Variants in DLL3 observed in about 807,000 individuals in gnomAD.
DLL3 encodes the protein delta-like protein 3.
In DLL3, 49 loss-of-function variants were observed where a neutral mutation model predicts 55.0. The observed-to-expected ratio is 0.89, with a 90% CI of 0.71 to 1.13. The LOEUF is 1.13. Among genes scored for constraint, DLL3 ranks in the 50% most tolerant of loss-of-function variants. DLL3 has a pLI of 0.00. For synonymous variants in DLL3, 421 were observed against 385.2 expected (o/e 1.09, Z -1.09); for missense variants, 962 against 875.5 (o/e 1.10, Z -1.25).
At chr19:39,503,921 C>T in intron 4 of DLL3, 150 bp from the exon 5 acceptor site, 1 of 790,868 alleles carries the variant, frequency 1.3e-6, no homozygotes. Flanking sequence ...GGGGCGGTCA[C>T]AGTACCATCT....
intron 6 of DLL3, among the ~76,000 whole-genome samples, chr19:39,505,815 G>T (rs996184893): frequency 6.6e-6 from 1 of 152,092 alleles, no homozygotes; most frequent in Non-Finnish European, 1.5e-5. Context: ...ACATCTTGTG[G>T]GACCCCCTGG....
chr19:39,502,600 C>T lies in DLL3; in HGVS notation c.410-215C>T, dbSNP rs75794888. 0.056 allele frequency among the ~76,000 whole-genome samples: 8,527 copies of T among 152,168 alleles called. 784 individuals are homozygous for T. The highest frequency in any genetic ancestry group is 0.19 in the African/African-American group (8,016 of 41,464). ...TTACCTAGAGTACTAGAAAGGACCA[C>T]GACATTGCAGGTCCCAGGGTGCATT... On this transcript the variant is annotated intron_variant, in intron 3 of 8. Transcript: ENST00000356433.
At chr19:39,504,694 T>C (rs2079630459) in intron 5 of DLL3, among the ~76,000 whole-genome samples, 1 of 151,892 alleles carries the variant, frequency 6.6e-6, no homozygotes, top group African/African-American at 2.4e-5. Flanking sequence ...GGCTGGGGCT[T>C]CTGGGACGTG....
In DLL3 at chr19:39,507,333, G is replaced by C. The variant is rs758148689; in HGVS notation, c.1388G>C (p.Arg463Pro). The change falls in exon 7 of 9, where the codon CGG becomes CCG. Residue 463 changes from arginine to proline, a missense_variant. Physicochemically the swap from Arg to Pro is moderately radical, Grantham distance 103. Transcript: ENST00000356433. ...TGCGCTCCCGGCTACATGGGAGCGC[G>C]GTGTGAGTTCCCAGTGCACCCCGAC... is the stretch of plus-strand genomic sequence containing the variant. ...CACAPGYMGA[R>P]CEFPVHPDGA... The C allele has an allele frequency of 2.5e-6, 4 of 1,569,454 alleles. No homozygotes were observed. Among genetic ancestry groups the C allele is most frequent in the African/African-American group, 1.3e-5 (1 of 74,244 alleles).
In DLL3 at chr19:39,502,871, G is replaced by C. The variant is rs1341114857; in HGVS notation, c.466G>C (p.Gly156Arg). ...TGGCAGGCGGCGCTTGGCAGCCGGA[G>C]GCCCGTGGGCCCGGGACATTCAGCG... The part of the protein sequence containing the change: ...VAGRRRLAAG[G>R]PWARDIQRAG... The change falls in exon 4 of 9, where the codon GGC becomes CGC. Residue 156 changes from glycine (G) to arginine (R), a missense_variant. Transcript: ENST00000356433. The C allele has an allele frequency of 7.1e-7, 1 of 1,416,460 alleles. No individual in the cohort carries two copies. The highest frequency in any genetic ancestry group is 9.2e-7 in the Non-Finnish European group (1 of 1,090,218). 87.7% of individuals were successfully genotyped at this position (1,416,460 alleles called of 1,614,324 possible). A position where few individuals can be genotyped will look rare whatever the true frequency, so the allele number is the denominator to read the frequency against.
At chr19:39,502,208 C>A (rs1014521685) in intron 3 of DLL3, among the ~76,000 whole-genome samples, 2 of 151,030 alleles carry the variant, frequency 1.3e-5, no homozygotes, top group Non-Finnish European at 1.5e-5. Context: ...AAAAAAAAAA[C>A]AAATATCTGG....
Position 39,499,479 on chromosome 19 carries a change from T to C in DLL3, c.351+6T>C, listed in dbSNP as rs1227189416. 1 of 1,586,646 alleles carries C rather than the reference T, an allele frequency of 6.3e-7. No homozygotes were observed. Among genetic ancestry groups the C allele is most frequent in the African/African-American group, 1.3e-5 (1 of 74,786 alleles). ...CCTTCCGGGACGCCTGGCCTGTAAG[T>C]GCTGCCCCCGGGGGACTCCCGGTGC... On this transcript the variant is annotated splice_donor_region_variant and intron_variant, in intron 2 of 8. Transcript: ENST00000356433.
At chr19:39,502,777 G>A in intron 3 of DLL3, 38 bp from the exon 4 acceptor site, 1 of 1,347,794 alleles carries the variant, frequency 7.4e-7, no homozygotes, top group Non-Finnish European at 9.5e-7. Context: ...TGTTCGGCCG[G>A]GCCCACCCCA....
chr19:39,505,698 C>G (rs1329464574), intron 6 of DLL3: 5 of 524,268 alleles, frequency 9.5e-6, no homozygotes, highest in Non-Finnish European at 1.7e-5. Context: ...ATGAAACAGA[C>G]AAAGTCCCTG....
In DLL3 at chr19:39,503,035, CGAGGACGAATGT is replaced by C. The variant is rs1297359201; in HGVS notation, c.635_646del (p.Asp212_Glu215del). 2 of 1,520,756 alleles carry C rather than the reference CGAGGACGAATGT, an allele frequency of 1.3e-6. No individual in the cohort carries two copies. The highest frequency in any genetic ancestry group is 1.8e-6 in the Non-Finnish European group (2 of 1,141,048). 94.2% of individuals were successfully genotyped at this position (1,520,756 alleles called of 1,614,324 possible). A position where few individuals can be genotyped will look rare whatever the true frequency, so the allele number is the denominator to read the frequency against. On this transcript the variant is annotated inframe_deletion, in exon 4 of 9. Coordinates refer to ENST00000356433, the MANE Select transcript of DLL3 (RefSeq NM_203486.3). ...CGGGACTGCGCCCCTGCGCACCGCT[CGAGGACGAATGT>C]GAGGCGCCGCGTGAGTCCTGCGTTC...
Position 39,504,273 on chromosome 19 carries a change from T to G in DLL3, c.855T>G (p.Asn285Lys). 1 of 1,612,672 alleles carries G rather than the reference T, an allele frequency of 6.2e-7. No homozygotes were observed. The highest frequency in any genetic ancestry group is 8.5e-7 in the Non-Finnish European group (1 of 1,180,030). ...CCTGTGACGGGAACCCGTGTGCCAATGGAGGCAGCTGTAGTGTCAGTGTCA... is the reference window on the plus strand; with the variant it reads ...CCTGTGACGGGAACCCGTGTGCCAAGGGAGGCAGCTGTAGTGTCAGTGTCA... ...PGPCDGNPCA[N>K]GGSCSETPRS... The change falls in exon 5 of 9, where the codon AAT becomes AAG. Residue 285 changes from asparagine to lysine, a missense_variant. Transcript: ENST00000356433.
At chr19:39,503,416 T>C (rs2144760143) in intron 4 of DLL3, among the ~76,000 whole-genome samples, 1 of 152,242 alleles carries the variant, frequency 6.6e-6, no homozygotes, top group African/African-American at 2.4e-5. Flanking sequence ...GTTCCTTCCC[T>C]AACCCACATT....
intron 1 of DLL3, 33 bp downstream of exon 1, chr19:39,499,076 G>A (rs201437587): frequency 3.0e-5 from 49 of 1,614,050 alleles, no homozygotes; most frequent in Middle Eastern, 1.6e-4. Context: ...CGTGGAAAGG[G>A]ATGAATGCGG....
chr19:39,505,819 C>T (rs1320227350), intron 6 of DLL3, among the ~76,000 whole-genome samples: 1 of 152,012 alleles, frequency 6.6e-6, no homozygotes, highest in Non-Finnish European at 1.5e-5. Context: ...CTTGTGGGAC[C>T]CCCTGGGTCA....
chr19:39,503,064 C>G lies in DLL3; in HGVS notation c.652+7C>G. The G allele has an allele frequency of 6.6e-7, 1 of 1,522,800 alleles. No homozygotes were observed. The highest frequency in any genetic ancestry group is 1.2e-5 in the South Asian group (1 of 82,300). 94.3% of individuals were successfully genotyped at this position (1,522,800 alleles called of 1,614,324 possible). On this transcript the variant is annotated splice_region_variant and intron_variant, in intron 4 of 8. Transcript: ENST00000356433. ...GACGAATGTGAGGCGCCGCGTGAGTCCTGCGTTCGACCCCACCCCGTCCCA... is the reference window on the plus strand; with the variant it reads ...GACGAATGTGAGGCGCCGCGTGAGTGCTGCGTTCGACCCCACCCCGTCCCA...
chr19:39,499,088 G>A (rs1051182811), intron 1 of DLL3, 45 bp downstream of exon 1: 4 of 1,613,746 alleles, frequency 2.5e-6, no homozygotes, highest in Non-Finnish European at 3.4e-6. Context: ...TGAATGCGGA[G>A]GGGAGGGGTG....
In DLL3 at chr19:39,499,277, C is replaced by T; in HGVS notation, c.155C>T (p.Ala52Val). Residue 52 changes from alanine (A) to valine (V), a missense_variant, in exon 2 of 9, where the codon GCC becomes GTC. Coordinates refer to ENST00000356433, the MANE Select transcript of DLL3 (RefSeq NM_203486.3). Reference sequence around the variant, plus strand: ...GGGGCCCCGCGGTCCCCCTGCAGCGCCCGGCTCCCCTGCCGCCTCTTCTTC... The same window carrying T: ...GGGGCCCCGCGGTCCCCCTGCAGCGTCCGGCTCCCCTGCCGCCTCTTCTTC... ...GPGAPRSPCS[A>V]RLPCRLFFRV... 3 of 1,541,622 alleles carry T rather than the reference C, an allele frequency of 1.9e-6. No homozygotes were observed. Among genetic ancestry groups the T allele is most frequent in the Non-Finnish European group, 2.6e-6 (3 of 1,147,872 alleles).
Position 39,508,266 on chromosome 19 carries a change from C to T in DLL3, c.*9C>T. ...TTTGTTTCTAGGCCTGACGCGTCTC[C>T]TCCATCCGCACCTGGAGTCAGAGCG... On this transcript the variant is annotated 3_prime_UTR_variant, in exon 9 of 9. Transcript: ENST00000356433. The T allele has an allele frequency of 6.2e-7, 1 of 1,613,968 alleles. No homozygotes were observed. The highest frequency in any genetic ancestry group is 1.1e-5 in the South Asian group (1 of 91,066).
chr19:39,500,966 C>T (rs183355174), intron 3 of DLL3, among the ~76,000 whole-genome samples: 4 of 151,762 alleles, frequency 2.6e-5, no homozygotes, highest in Middle Eastern at 3.4e-3. Context: ...GCTCAGGGTG[C>T]GATATGAATT....
Sources: allele counts gnomAD v4.1 joint callset (sites outside exome capture counted in the v4.1 genomes callset), GRCh38; gene constraint gnomAD v4.1.1; transcripts MANE v1.5; gene names NCBI Gene and HGNC (gene_info 2026-07-23, HGNC 2026-07-21).